The following RPS6KA2 variants were observed in gnomAD, a reference collection of about 807,000 sequenced individuals.
RPS6KA2 encodes the protein ribosomal protein S6 kinase A2, also known as ribosomal protein S6 kinase alpha-2.
A neutral mutation model predicts 91.8 loss-of-function variants in RPS6KA2; 42 were observed. The observed-to-expected ratio is 0.46, with a 90% CI of 0.36 to 0.59. RPS6KA2 has a LOEUF of 0.59. Ranked by LOEUF, RPS6KA2 falls within the 20% of genes least tolerant of loss-of-function variation. The pLI is 0.00. For synonymous variants in RPS6KA2, 414 were observed against 393.6 expected (o/e 1.05, Z -0.61); for missense variants, 798 against 978.5 (o/e 0.82, Z 2.46).
intron 2 of RPS6KA2, among the ~76,000 whole-genome samples, chr6:166,682,001 A>G (rs1173533624): frequency 6.6e-6 from 1 of 152,150 alleles, no homozygotes; most frequent in African/African-American, 2.4e-5. Flanking sequence ...CAGCAAGAAT[A>G]TACAAAGAAA....
chr6:166,620,660 T>C (rs1459347801), intron 1 of RPS6KA2, among the ~76,000 whole-genome samples: 3 of 152,190 alleles, frequency 2.0e-5, no homozygotes, highest in African/African-American at 4.8e-5. Context: ...CATAATGTAG[T>C]GCAAGAACCT....
At chr6:166,564,319 T>C (rs1041445775) in intron 1 of RPS6KA2, among the ~76,000 whole-genome samples, 2 of 152,196 alleles carry the variant, frequency 1.3e-5, no homozygotes, top group African/African-American at 4.8e-5. Context: ...TCGGCCCACC[T>C]GTTTCCAGGG....
Position 166,418,268 on chromosome 6 carries a change from G to A in RPS6KA2, c.1895C>T (p.Ala632Val), listed in dbSNP as rs1374181056. ...ILARIGSGKY[A>V]LSGGNWDSIS... ...CGAGTCCCAGTTTCCCCCAGAAAGG[G>A]CATACTTCCCACTGCCGATCCGCGC... Residue 632 changes from alanine to valine, a missense_variant, in exon 19 of 21, where the codon GCC becomes GTC. Physicochemically the swap from Ala to Val is moderately conservative, Grantham distance 64. Coordinates refer to ENST00000265678, the MANE Select transcript of RPS6KA2 (RefSeq NM_021135.6). This position sits in a 1 kb window ranked among gnomAD's most constrained non-coding sequence, Gnocchi z 4.9. The A allele has an allele frequency of 1.2e-6, 2 of 1,613,752 alleles. No homozygotes were observed. The highest frequency in any genetic ancestry group is 2.7e-5 in the African/African-American group (2 of 74,888).
chr6:166,483,103 T>C (rs1219936559), intron 10 of RPS6KA2, among the ~76,000 whole-genome samples: 2 of 152,200 alleles, frequency 1.3e-5, no homozygotes, highest in African/African-American at 4.8e-5. Flanking sequence ...TTTGGGCCGA[T>C]GGGGCCGCTT....
intron 2 of RPS6KA2, among the ~76,000 whole-genome samples, chr6:166,824,293 A>T (rs369103446): frequency 1.3e-5 from 2 of 152,170 alleles, no homozygotes; most frequent in African/African-American, 2.4e-5. Context: ...TGGACCAACC[A>T]GTACTGGACC....
chr6:166,783,895 G>A lies in RPS6KA2; in HGVS notation c.123+74305C>T, dbSNP rs1221366970. ...CCTACGCATCACCACATATGCACAC[G>A]TGCACACCTACGCATCACCACATAT... On this transcript the variant is annotated intron_variant, in intron 2 of 21. Coordinates refer to the RPS6KA2 transcript ENST00000503859. 1.6e-4 allele frequency among the ~76,000 whole-genome samples: 13 copies of A among 80,992 alleles called. 2 individuals are homozygous for A. Among genetic ancestry groups the A allele is most frequent in the African/African-American group, 7.4e-4 (12 of 16,146 alleles). The allele number at this position is 80,992 out of a possible 152,430, so 53.1% of individuals were successfully genotyped here.
At chr6:166,457,862 A>G (rs1426068004) in intron 12 of RPS6KA2, among the ~76,000 whole-genome samples, 1 of 152,228 alleles carries the variant, frequency 6.6e-6, no homozygotes, top group Non-Finnish European at 1.5e-5. Flanking sequence ...TTTGTGGTTG[A>G]CCATATATTT....
rs1207880919 is a variant in RPS6KA2 at position 166,445,196 on chromosome 6, C to T, written c.1332+3528G>A. Among the ~76,000 whole-genome samples the T allele has an allele frequency of 1.3e-5, 2 of 151,908 alleles. No individual in the cohort carries two copies. The highest frequency in any genetic ancestry group is 2.4e-5 in the African/African-American group (1 of 41,336). The stretch of plus-strand genomic sequence containing the variant: ...TGGCCCCACTCTCCTCTTAGAAGGA[C>T]CTGCACTTTAAGTCACGGCCCAGTC... On this transcript the variant is annotated intron_variant, in intron 14 of 20. Transcript: ENST00000265678. The surrounding 1 kb of genome is among the most constrained non-coding windows in gnomAD (Gnocchi z 4.5).
chr6:166,555,618 G>T (rs772771452), intron 1 of RPS6KA2, among the ~76,000 whole-genome samples: 1 of 151,926 alleles, frequency 6.6e-6, no homozygotes, highest in Non-Finnish European at 1.5e-5. Flanking sequence ...CTACGATTGA[G>T]CCTCTTTCTC....
chr6:166,855,888 T>C (rs985006783), intron 2 of RPS6KA2, among the ~76,000 whole-genome samples: 1 of 152,222 alleles, frequency 6.6e-6, no homozygotes, highest in African/African-American at 2.4e-5. Context: ...GATGCAAAGA[T>C]ATACTGGTTT....
chr6:166,780,218 T>A (rs531136251), intron 2 of RPS6KA2, among the ~76,000 whole-genome samples: 63 of 152,348 alleles, frequency 4.1e-4, no homozygotes, highest in African/African-American at 1.4e-3. Context: ...TGCCTGGGAA[T>A]GTGTCCTGAT....
At chr6:166,618,133 C>T (rs1019404993) in intron 1 of RPS6KA2, among the ~76,000 whole-genome samples, 6 of 152,222 alleles carry the variant, frequency 3.9e-5, no homozygotes, top group African/African-American at 1.4e-4. Context: ...AGCCTTGAAA[C>T]TCCAGAATGT....
At chr6:166,708,891 A>C (rs1472959992) in intron 2 of RPS6KA2, among the ~76,000 whole-genome samples, 1 of 152,246 alleles carries the variant, frequency 6.6e-6, no homozygotes, top group East Asian at 1.9e-4. Flanking sequence ...AATGCATTGT[A>C]CCACAAATTG....
At chr6:166,531,143 C>T in intron 3 of RPS6KA2, 89 bp downstream of exon 3, 1 of 886,922 alleles carries the variant, frequency 1.1e-6, no homozygotes, top group Non-Finnish European at 1.9e-6. Context: ...AAATCGTGAA[C>T]ATTAAATGGA....
rs77197331 is a variant in RPS6KA2 at position 166,601,218 on chromosome 6, T to C, written c.99+25703A>G. 1.6e-3 allele frequency among the ~76,000 whole-genome samples: 241 copies of C among 152,392 alleles called. 1 individual carries two copies. Among genetic ancestry groups the C allele is most frequent in the African/African-American group, 5.3e-3 (219 of 41,604 alleles). ...TTTCTCTACTTGCAAGCAAGTTATATACTAGCAGATACATACAATACACAA... is the reference window on the plus strand; with the variant it reads ...TTTCTCTACTTGCAAGCAAGTTATACACTAGCAGATACATACAATACACAA... On this transcript the variant is annotated intron_variant, in intron 1 of 20. Transcript: ENST00000265678.
chr6:166,570,638 G>T (rs1029645458), intron 1 of RPS6KA2, among the ~76,000 whole-genome samples: 2 of 152,080 alleles, frequency 1.3e-5, no homozygotes, highest in Non-Finnish European at 2.9e-5. Context: ...ATAATACAGG[G>T]TTTAGATACA....
intron 1 of RPS6KA2, among the ~76,000 whole-genome samples, chr6:166,587,126 C>T (rs998909746): frequency 6.6e-6 from 1 of 152,230 alleles, no homozygotes; most frequent in Non-Finnish European, 1.5e-5. Flanking sequence ...TCATCAGGAA[C>T]CCTGACATTA....
intron 1 of RPS6KA2, among the ~76,000 whole-genome samples, chr6:166,596,719 G>A (rs992696996): frequency 1.3e-5 from 2 of 152,202 alleles, no homozygotes; most frequent in African/African-American, 2.4e-5. Flanking sequence ...TTGTGATGGT[G>A]TGAGTCAATT....
At chr6:166,575,846 A>G (rs903330958) in intron 1 of RPS6KA2, among the ~76,000 whole-genome samples, 7 of 152,168 alleles carry the variant, frequency 4.6e-5, no homozygotes, top group African/African-American at 1.4e-4. Flanking sequence ...TTTCACATGA[A>G]AAAAAAATTC....
Sources: gnomAD v4.1 joint callset for allele counts (sites outside exome capture counted in the v4.1 genomes callset) on GRCh38, gnomAD v4.1.1 for gene constraint, Gnocchi (gnomAD v3.1) non-coding constraint, MANE v1.5 for transcripts, NCBI Gene and HGNC (gene_info 2026-07-23, HGNC 2026-07-21) for gene names.